Variants in NAV2 observed in about 807,000 individuals in gnomAD.
The protein encoded by NAV2 is neuron navigator 2.
Under a neutral mutation model 223.2 loss-of-function variants are expected in NAV2, and 54 were observed. The observed-to-expected ratio is 0.24, with a 90% CI of 0.19 to 0.30. The LOEUF is 0.30. Among genes scored for constraint, NAV2 ranks in the 10% least tolerant of loss-of-function variants. The pLI is 1.00. For synonymous variants in NAV2, 1,279 were observed against 1,239.3 expected (o/e 1.03, Z -0.67); for missense variants, 2,806 against 3,147.5 (o/e 0.89, Z 2.60).
rs751726202 is a variant in NAV2, at chr11:20,072,920, C to A, written c.4983+4522C>A. On this transcript the variant is annotated intron_variant, in intron 22 of 37. Coordinates refer to ENST00000349880, the MANE Select transcript of NAV2 (RefSeq NM_145117.5). The stretch of plus-strand genomic sequence containing the variant: ...ACTTCCTGTTTTCCCAATTGAATAC[C>A]CTTTATTTCCTTCTCTTGCTTGATT... Among the ~76,000 whole-genome samples the A allele has an allele frequency of 1.1e-4, 16 of 152,180 alleles. 1 individual carries two copies. Among genetic ancestry groups the A allele is most frequent in the Middle Eastern group, 6.8e-3 (2 of 294 alleles).
intron 11 of NAV2, among the ~76,000 whole-genome samples, chr11:19,992,626 T>TC (rs1205404223): frequency 6.7e-6 from 1 of 149,544 alleles, no homozygotes; most frequent in African/African-American, 2.5e-5. Flanking sequence ...CTCGCTCTGT[T>TC]CCCCAGGCTG....
chr11:19,790,371 CAA>C (rs2057435927), intron 1 of NAV2, among the ~76,000 whole-genome samples: 2 of 152,206 alleles, frequency 1.3e-5, no homozygotes, highest in Non-Finnish European at 2.9e-5. Flanking sequence ...GGTCACAGCC[CAA>C]AGTCTCTGAC....
chr11:19,434,738 A>C (rs1851153398), intron 1 of NAV2, among the ~76,000 whole-genome samples: 1 of 152,244 alleles, frequency 6.6e-6, no homozygotes, highest in Non-Finnish European at 1.5e-5. Flanking sequence ...ATGAGACTTC[A>C]AATATCACAA....
chr11:19,369,318 T>C (rs1848393193), intron 1 of NAV2, among the ~76,000 whole-genome samples: 2 of 152,248 alleles, frequency 1.3e-5, no homozygotes, highest in South Asian at 4.1e-4. Flanking sequence ...AATCAATTCC[T>C]AGGGTGCAAC....
chr11:19,924,470 C>T (rs2044560568), intron 6 of NAV2, among the ~76,000 whole-genome samples: 1 of 152,176 alleles, frequency 6.6e-6, no homozygotes, highest in South Asian at 2.1e-4. Flanking sequence ...TGTCGAGGGC[C>T]TCTTCTGCTT....
rs944511314 is a variant in NAV2, at chr11:19,432,796, G to T, written c.75+81769G>T. 3.8e-4 allele frequency among the ~76,000 whole-genome samples: 58 copies of T among 152,178 alleles called. 1 individual carries two copies. Among genetic ancestry groups the T allele is most frequent in the African/African-American group, 1.4e-3 (56 of 41,446 alleles). ...ATTCCAGGGTTTCTGTGAGGCCCAG[G>T]TTCTTGTGTTCTTTACCCTCATTTG... On this transcript the variant is annotated intron_variant, in intron 1 of 37. Coordinates refer to the NAV2 transcript ENST00000360655.
intron 6 of NAV2, among the ~76,000 whole-genome samples, chr11:19,900,892 C>G (rs191126615): frequency 6.6e-6 from 1 of 152,264 alleles, no homozygotes; most frequent in East Asian, 1.9e-4. Flanking sequence ...TTTTGTTAAT[C>G]CTTTTCCAAC....
chr11:19,858,800 A>C (rs2061524768), intron 3 of NAV2, among the ~76,000 whole-genome samples: 1 of 152,226 alleles, frequency 6.6e-6, no homozygotes, highest in Non-Finnish European at 1.5e-5. Context: ...TATTCGGAGA[A>C]AGGCTGTACT....
chr11:20,113,169 T>C (rs2062781290), intron 36 of NAV2, among the ~76,000 whole-genome samples: 1 of 152,232 alleles, frequency 6.6e-6, no homozygotes, highest in Non-Finnish European at 1.5e-5. Flanking sequence ...TTTCCAATTC[T>C]GGCTTCTCTC....
intron 1 of NAV2, among the ~76,000 whole-genome samples, chr11:19,570,572 AT>A (rs2045395832): frequency 6.6e-6 from 1 of 152,204 alleles, no homozygotes; most frequent in African/African-American, 2.4e-5. Flanking sequence ...CAAAAGCTCA[AT>A]GTTAAAAAAG....
intron 1 of NAV2, among the ~76,000 whole-genome samples, chr11:19,663,076 C>CG (rs1211747493): frequency 3.9e-5 from 6 of 152,158 alleles, no homozygotes; most frequent in African/African-American, 1.4e-4. Context: ...CCCTTTCCCC[C>CG]CAACCAGCCC....
chr11:19,692,306 C>T (rs997245083), intron 1 of NAV2, among the ~76,000 whole-genome samples: 6 of 152,224 alleles, frequency 3.9e-5, no homozygotes, highest in South Asian at 2.1e-4. Flanking sequence ...TTCATATGTA[C>T]CCCCCGGAAA....
At chr11:19,748,147 T>G (rs1454217919) in intron 1 of NAV2, among the ~76,000 whole-genome samples, 1 of 152,160 alleles carries the variant, frequency 6.6e-6, no homozygotes, top group Non-Finnish European at 1.5e-5. Context: ...GAGATTGGAT[T>G]TCCTTCAAAG....
At position 19,652,944 on chromosome 11, in the gene NAV2, G is replaced by A. The variant is rs536744232; in HGVS notation, c.76-179540G>A. ...CAGTTTCCTGTTGATGGGTGTTAAGGTTATCTCCACTTTTTCTGAGGCCAC... is the reference window on the plus strand; with the variant it reads ...CAGTTTCCTGTTGATGGGTGTTAAGATTATCTCCACTTTTTCTGAGGCCAC... On this transcript the variant is annotated intron_variant, in intron 1 of 37. Transcript: ENST00000360655. 1.6e-4 allele frequency among the ~76,000 whole-genome samples: 25 copies of A among 152,232 alleles called. No individual in the cohort carries two copies. The East Asian group carries it at 4.6e-3, about 28-fold the overall frequency.
intron 1 of NAV2, among the ~76,000 whole-genome samples, chr11:19,373,060 A>G (rs1041824363): frequency 3.3e-5 from 5 of 152,286 alleles, no homozygotes; most frequent in Middle Eastern, 3.4e-3. Context: ...TACCATTCCC[A>G]CAGACACAGA....
intron 11 of NAV2, among the ~76,000 whole-genome samples, chr11:20,032,672 G>A (rs971045848): frequency 4.6e-5 from 7 of 152,118 alleles, no homozygotes; most frequent in African/African-American, 9.7e-5. Context: ...CATCTGTGAC[G>A]CCATGCTTTC....
At chr11:19,929,403 C>A (rs753533933) in intron 6 of NAV2, among the ~76,000 whole-genome samples, 9 of 152,168 alleles carry the variant, frequency 5.9e-5, no homozygotes, top group Non-Finnish European at 8.8e-5. Flanking sequence ...ACATACCCTT[C>A]ATGTCATAGG....
chr11:19,744,712 G>C (rs2053185654), intron 1 of NAV2, among the ~76,000 whole-genome samples: 1 of 152,162 alleles, frequency 6.6e-6, no homozygotes, highest in Non-Finnish European at 1.5e-5. Context: ...ACAAAAACAA[G>C]TATATTCAAA....
In NAV2 at chr11:19,385,753, C is replaced by CTTTTTTTTTTTTTTTTTTT. The variant is rs201669772; in HGVS notation, c.75+34734_75+34752dup. ...CTCAACTGCTTTTTCAATATAGCTC[C>CTTTTTTTTTTTTTTTTTTT]TTTTTTTTTTTTTTTTTTTTTTTTT... On this transcript the variant is annotated intron_variant, in intron 1 of 37. Coordinates refer to the NAV2 transcript ENST00000360655. Among the ~76,000 whole-genome samples, 30 of 112,766 alleles carry CTTTTTTTTTTTTTTTTTTT rather than the reference C, an allele frequency of 2.7e-4. 3 individuals are homozygous for CTTTTTTTTTTTTTTTTTTT. The highest frequency in any genetic ancestry group is 4.4e-4 in the Non-Finnish European group (25 of 56,944). 74.0% of individuals were successfully genotyped at this position (112,766 alleles called of 152,430 possible). A position where few individuals can be genotyped will look rare whatever the true frequency, so the allele number is the denominator to read the frequency against.
Sources: gnomAD v4.1 joint callset for allele counts (sites outside exome capture counted in the v4.1 genomes callset) on GRCh38, gnomAD v4.1.1 for gene constraint, MANE v1.5 for transcripts, NCBI Gene and HGNC (gene_info 2026-07-23, HGNC 2026-07-21) for gene names.